Variants in DNAH1 observed in about 807,000 individuals in gnomAD.
DNAH1 encodes the protein dynein axonemal heavy chain 1.
In DNAH1, 327 loss-of-function variants were observed where a neutral mutation model predicts 484.3. That is an observed-to-expected ratio of 0.68 (90% CI 0.62 to 0.74). The LOEUF (loss-of-function observed/expected upper bound fraction) is 0.74, where lower values mean the gene tolerates loss of function less well. Ranked by LOEUF, DNAH1 falls within the 30% of genes least tolerant of loss-of-function variation. The pLI, the probability that DNAH1 is intolerant of heterozygous loss-of-function variation, is 0.00. For synonymous variants in DNAH1, 2,192 were observed against 2,191.9 expected, an observed-to-expected ratio of 1.00 and a Z score of 0.00; for missense variants, 5,052 against 5,546.8, an observed-to-expected ratio of 0.91 and a Z score of 2.83.
At chr3:52,396,041 C>T (rs896101007) in intron 70 of DNAH1, among the ~76,000 whole-genome samples, 12 of 151,284 alleles carry the variant, frequency 7.9e-5, no homozygotes, top group Non-Finnish European at 1.8e-4. Context: ...TGAGTTCAAG[C>T]GATTCTTCTG....
chr3:52,381,493 G>A lies in DNAH1; in HGVS notation c.7609-147G>A. The A allele has an allele frequency of 1.5e-6, 1 of 663,810 alleles. No homozygotes were observed. The highest frequency in any genetic ancestry group is 2.6e-6 in the Non-Finnish European group (1 of 388,504). The allele number at this position is 663,810 out of a possible 1,614,324, so 41.1% of individuals were successfully genotyped here. A position where few individuals can be genotyped will look rare whatever the true frequency, so the allele number is the denominator to read the frequency against. On this transcript the variant is annotated intron_variant, in intron 48 of 77. Transcript: ENST00000420323. This position sits in a 1 kb window ranked among gnomAD's most constrained non-coding sequence, Gnocchi z 4.1. Reference sequence around the variant, plus strand: ...TTCAGCTTGGGCTCGAGCCTGCAGGGGAAACATGCAGCTGGCCGGGTCACA... The same window carrying A: ...TTCAGCTTGGGCTCGAGCCTGCAGGAGAAACATGCAGCTGGCCGGGTCACA...
chr3:52,372,782 G>A (rs1559544196), intron 43 of DNAH1, 114 bp from the exon 44 acceptor site: 12 of 1,393,828 alleles, frequency 8.6e-6, no homozygotes, highest in South Asian at 1.4e-5. Context: ...CAATTTGGAG[G>A]AGGCTAAAAT....
chr3:52,370,653 C>T lies in DNAH1; in HGVS notation c.6417+18C>T. The T allele has an allele frequency of 6.2e-7, 1 of 1,604,748 alleles. No individual in the cohort carries two copies. ...ACGAACAGGTGAGAGCCGGCGGCCC[C>T]CAGGGACCAGGAGCCTCAGTCCTAC... On this transcript the variant is annotated intron_variant, in intron 40 of 77. Transcript: ENST00000420323.
At chr3:52,396,570 C>T in intron 71 of DNAH1, 32 bp downstream of exon 71, 2 of 1,611,754 alleles carry the variant, frequency 1.2e-6, no homozygotes, top group South Asian at 1.1e-5. Flanking sequence ...CCTACCCTAC[C>T]TGCCCCCGTC....
chr3:52,388,532 C>T lies in DNAH1; in HGVS notation c.9286C>T (p.Arg3096Trp), dbSNP rs367639827. Reference sequence around the variant, plus strand: ...CATCGCCACAATGCAGGCTAAGTACCGGGAATGCATTACCAAGAAGGAGGA... The same window carrying T: ...CATCGCCACAATGCAGGCTAAGTACTGGGAATGCATTACCAAGAAGGAGGA... ...DGIATMQAKY[R>W]ECITKKEELE... The change falls in exon 58 of 78, where the codon CGG becomes TGG. Residue 3096 changes from arginine (R) to tryptophan (W), a missense_variant. Physicochemically the swap from Arg to Trp is moderately radical, Grantham distance 101 (BLOSUM62 -3). Around this residue, in one of 4 missense-constraint regions of DNAH1, gnomAD observed 2,929 missense variants for 3,409.4 expected, o/e 0.86. Transcript: ENST00000420323. The T allele has an allele frequency of 4.5e-5, 72 of 1,612,772 alleles. No homozygotes were observed. Among genetic ancestry groups the T allele is most frequent in the Non-Finnish European group, 5.8e-5 (69 of 1,179,530 alleles).
intron 8 of DNAH1, among the ~76,000 whole-genome samples, chr3:52,342,411 A>G (rs934674321): frequency 1.3e-5 from 2 of 152,244 alleles, no homozygotes; most frequent in Non-Finnish European, 2.9e-5. Flanking sequence ...AGGGAGATCA[A>G]TGAGGAGACT....
At position 52,395,094 on chromosome 3, in the gene DNAH1, G is replaced by C. The variant is rs376346833; in HGVS notation, c.10968+35G>C. The C allele has an allele frequency of 6.3e-7, 1 of 1,589,714 alleles. No homozygotes were observed. Among genetic ancestry groups the C allele is most frequent in the South Asian group, 1.1e-5 (1 of 87,542 alleles). On this transcript the variant is annotated intron_variant, in intron 68 of 77. Coordinates refer to ENST00000420323, the MANE Select transcript of DNAH1 (RefSeq NM_015512.5). The surrounding 1 kb of genome is among the most constrained non-coding windows in gnomAD (Gnocchi z 4.4). ...GGAACCCTGGCAGGACTGGCACCTTGAGCTTGTCCCCACCCTGGGTCCCAG... is the reference window on the plus strand; with the variant it reads ...GGAACCCTGGCAGGACTGGCACCTTCAGCTTGTCCCCACCCTGGGTCCCAG...
In DNAH1 at chr3:52,359,310, A is replaced by G. The variant is rs1443648868; in HGVS notation, c.4331A>G (p.Tyr1444Cys). The change falls in exon 26 of 78, where the codon TAC becomes TGC. Residue 1444 changes from tyrosine to cysteine, a missense_variant. By Grantham distance (194) the Tyr-to-Cys change is radical. Transcript: ENST00000420323. The part of the protein sequence containing the change: ...GQVTIAGCQT[Y>C]WTMEVAEALE... ...GTGACCATCGCTGGGTGCCAGACCT[A>G]CTGGACCATGGAGGTGGCAGAGGCT... 16 of 1,569,532 alleles carry G rather than the reference A, an allele frequency of 1.0e-5. No homozygotes were observed. Among genetic ancestry groups the G allele is most frequent in the East Asian group, 2.4e-5 (1 of 42,354 alleles).
At position 52,369,820 on chromosome 3, in the gene DNAH1, AC is replaced by A. The variant is rs1193714564; in HGVS notation, c.5944-3del. The A allele has an allele frequency of 1.2e-6, 2 of 1,600,642 alleles. No individual in the cohort carries two copies. The highest frequency in any genetic ancestry group is 1.7e-6 in the Non-Finnish European group (2 of 1,170,182). ...GCCCACTCATTTGGTTCGTCTTGGCACCAGGCAATGACCATGATGTTCGAGG... is the reference window on the plus strand; with the variant it reads ...GCCCACTCATTTGGTTCGTCTTGGCACAGGCAATGACCATGATGTTCGAGG... On this transcript the variant is annotated splice_polypyrimidine_tract_variant and splice_region_variant and intron_variant, in intron 37 of 77. Coordinates refer to ENST00000420323, the MANE Select transcript of DNAH1 (RefSeq NM_015512.5).
rs191330976 is a variant in DNAH1, at chr3:52,379,643, C to G, written c.7378-262C>G. On this transcript the variant is annotated intron_variant, in intron 47 of 77. Coordinates refer to ENST00000420323, the MANE Select transcript of DNAH1 (RefSeq NM_015512.5). The surrounding 1 kb of genome is among the most constrained non-coding windows in gnomAD (Gnocchi z 4.4). ...CTTGTGACAAGCTAGCAGAGCCAGACACCCAGAGGGCACTTGGCCAGCTGG... is the reference window on the plus strand; with the variant it reads ...CTTGTGACAAGCTAGCAGAGCCAGAGACCCAGAGGGCACTTGGCCAGCTGG... Among the ~76,000 whole-genome samples, 7 of 152,314 alleles carry G rather than the reference C, an allele frequency of 4.6e-5. No homozygotes were observed. Among genetic ancestry groups the G allele is most frequent in the African/African-American group, 1.7e-4 (7 of 41,564 alleles).
Position 52,380,003 on chromosome 3 carries a change from C to A in DNAH1, c.7476C>A (p.Leu2492=). The A allele has an allele frequency of 6.3e-7, 1 of 1,592,584 alleles. No homozygotes were observed. The highest frequency in any genetic ancestry group is 1.1e-5 in the South Asian group (1 of 87,364). Residue 2492 remains leucine, a synonymous_variant, in exon 48 of 78, where the codon CTC becomes CTA. Coordinates refer to ENST00000420323, the MANE Select transcript of DNAH1 (RefSeq NM_015512.5). ...NEEDRSWFDQ[L]LKRCMEQWEV... is the part of the protein sequence containing the mutation. The stretch of plus-strand genomic sequence containing the variant: ...AGGACCGCAGCTGGTTCGACCAGCT[C>A]CTCAAGCGCTGCATGGAGCAGTGGG...
Position 52,378,786 on chromosome 3 carries a change from G to A in DNAH1, c.7377+6G>A. On this transcript the variant is annotated splice_donor_region_variant and intron_variant, in intron 47 of 77. Coordinates refer to ENST00000420323, the MANE Select transcript of DNAH1 (RefSeq NM_015512.5). ...CTGACCCGGCCAAGGTCGAGGTGAG[G>A]ACCAGGCAGGCACCCTCCCCAGTGC... 4 of 1,613,350 alleles carry A rather than the reference G, an allele frequency of 2.5e-6. No individual in the cohort carries two copies. The highest frequency in any genetic ancestry group is 3.4e-6 in the Non-Finnish European group (4 of 1,179,832).
chr3:52,391,673 C>A, intron 63 of DNAH1, 70 bp downstream of exon 63: 1 of 1,572,318 alleles, frequency 6.4e-7, no homozygotes, highest in Non-Finnish European at 8.7e-7. Flanking sequence ...TCCTCTCCCA[C>A]CCCCAGGCCG....
rs1559536241 is a variant in DNAH1 at position 52,366,719 on chromosome 3, G to A, written c.5611-14G>A. 6.9e-6 allele frequency: 11 copies of A among 1,600,946 alleles called. No homozygotes were observed. The highest frequency in any genetic ancestry group is 2.2e-5 in the East Asian group (1 of 44,608). On this transcript the variant is annotated splice_polypyrimidine_tract_variant and intron_variant, in intron 35 of 77. Transcript: ENST00000420323. ...CTCTCTGGGAGCCTCACTCTCAGGC[G>A]GTCCGTCTCCCAGTGTTACAGAGTC...
intron 32 of DNAH1, among the ~76,000 whole-genome samples, 178 bp downstream of exon 32, chr3:52,363,322 C>T (rs912227239): frequency 5.3e-5 from 8 of 152,240 alleles, no homozygotes; most frequent in African/African-American, 1.9e-4. Context: ...CTGAGGACAC[C>T]GAGGTCCTAG....
chr3:52,345,497 C>T lies in DNAH1; in HGVS notation c.1447C>T (p.Leu483=). The T allele has an allele frequency of 6.4e-7, 1 of 1,561,242 alleles. No homozygotes were observed. Among genetic ancestry groups the T allele is most frequent in the Non-Finnish European group, 8.7e-7 (1 of 1,152,240 alleles). ...GCCCTTGGCCCCTATCCCTGCAGGGCTGGTGAGTGTCCCCAAGTACCACTT... is the reference window on the plus strand; with the variant it reads ...GCCCTTGGCCCCTATCCCTGCAGGGTTGGTGAGTGTCCCCAAGTACCACTT... The part of the protein sequence containing the change: ...KEEEQVPERG[L]VSVPKYHFWE... Residue 483 remains leucine (L), a splice_region_variant and synonymous_variant, in exon 10 of 78, where the codon CTG becomes TTG. Transcript: ENST00000420323.
chr3:52,340,940 G>C (rs546539484), intron 8 of DNAH1, among the ~76,000 whole-genome samples: 1 of 152,036 alleles, frequency 6.6e-6, no homozygotes, highest in Admixed American at 6.5e-5. Flanking sequence ...GTGGGTTTTG[G>C]TAGTGTTAGT....
chr3:52,350,244 G>C, intron 15 of DNAH1, 136 bp downstream of exon 15: 1 of 1,297,714 alleles, frequency 7.7e-7, no homozygotes, highest in Non-Finnish European at 1.1e-6. Context: ...GGACAGATGG[G>C]GTTTAGGGGG....
chr3:52,386,812 G>T lies in DNAH1; in HGVS notation c.8962G>T (p.Asp2988Tyr). 6.3e-7 allele frequency: 1 copy of T among 1,589,250 alleles called. No homozygotes were observed. Among genetic ancestry groups the T allele is most frequent in the South Asian group, 1.1e-5 (1 of 86,980 alleles). The change falls in exon 56 of 78, where the codon GAC (aspartate) becomes TAC (tyrosine). Residue 2988 changes from aspartate to tyrosine, a missense_variant. Transcript: ENST00000420323. ...GGAGCCTGGCAAGGGGCTGCTGCAGGACCCGGGCCACTTCCTTGAGAGCCT... is the reference window on the plus strand; with the variant it reads ...GGAGCCTGGCAAGGGGCTGCTGCAGTACCCGGGCCACTTCCTTGAGAGCCT... ...YWEPGKGLLQ[D>Y]PGHFLESLFK... is the part of the protein sequence containing the mutation.
Sources: allele counts gnomAD v4.1 joint callset (sites outside exome capture counted in the v4.1 genomes callset), GRCh38; gene constraint gnomAD v4.1.1; regional missense constraint gnomAD v4.1.1; non-coding constraint Gnocchi (gnomAD v3.1); transcripts MANE v1.5; gene names NCBI Gene and HGNC (gene_info 2026-07-23, HGNC 2026-07-21).